Variants in CMC1 observed in about 807,000 individuals in gnomAD.
CMC1 encodes the protein C-X9-C motif containing 1.
Under a neutral mutation model 14.1 loss-of-function variants are expected in CMC1, and 14 were observed. The ratio of observed to expected loss-of-function variants is 0.99; its 90% confidence interval spans 0.66 to 1.55. CMC1 has a LOEUF of 1.55. CMC1 is among the 40% of genes most tolerant of loss of function. CMC1 has a pLI of 0.00. For synonymous variants in CMC1, 50 were observed against 38.4 expected (o/e 1.30, Z -1.12); for missense variants, 127 against 123.8 (o/e 1.03, Z -0.12).
intron 2 of CMC1, among the ~76,000 whole-genome samples, chr3:28,288,124 T>C (rs961101277): frequency 5.3e-5 from 8 of 152,106 alleles, no homozygotes; most frequent in Admixed American, 5.2e-4. Context: ...GGTATTGATA[T>C]ATGAATCTTC....
At chr3:28,246,798 A>AT (rs770788764) in intron 1 of CMC1, among the ~76,000 whole-genome samples, 2,637 of 121,438 alleles carry the variant, frequency 0.022, 36 homozygotes, top group East Asian at 0.026. Context: ...GGGTCCATTG[A>AT]TTTTTTTTTT....
intron 2 of CMC1, among the ~76,000 whole-genome samples, chr3:28,268,014 A>G (rs921403081): frequency 4.6e-5 from 7 of 152,234 alleles, no homozygotes; most frequent in Admixed American, 2.6e-4. Context: ...GTGGATATGC[A>G]ACACATCTTG....
chr3:28,253,807 T>G (rs2125438165), intron 1 of CMC1: 1 of 950,678 alleles, frequency 1.1e-6, no homozygotes, highest in Middle Eastern at 2.7e-4. Context: ...TGGCATTACC[T>G]AAGTAAGTAT....
intron 2 of CMC1, among the ~76,000 whole-genome samples, chr3:28,305,779 A>ATTTTTTTTTTTTTTTTTT (rs71087685): frequency 1.8e-4 from 8 of 43,570 alleles, no homozygotes; most frequent in African/African-American, 8.9e-4. Flanking sequence ...TTTCATAGGA[A>ATTTTTTTTTTTTTTTTTT]TTTTTTTTTT....
At chr3:28,258,605 T>A (rs1409189371) in intron 1 of CMC1, among the ~76,000 whole-genome samples, 1 of 149,998 alleles carries the variant, frequency 6.7e-6, no homozygotes, top group East Asian at 2.0e-4. Context: ...TACATGGAAG[T>A]ATTTCTGGAT....
Position 28,293,605 on chromosome 3 carries a change from G to A in CMC1, c.110-22728G>A, listed in dbSNP as rs1005755125. On this transcript the variant is annotated intron_variant, in intron 2 of 3. Transcript: ENST00000466830. ...AAAATATTCTTTCTTTTTTTGAGAT[G>A]GAGTCTTGCTCTGTCACCTATCCTG... Among the ~76,000 whole-genome samples, 7 of 151,928 alleles carry A rather than the reference G, an allele frequency of 4.6e-5. No individual in the cohort carries two copies. In the South Asian group the frequency reaches 6.2e-4, roughly 13 times the overall value.
chr3:28,248,662 G>GA (rs1354069064), intron 1 of CMC1, among the ~76,000 whole-genome samples: 2 of 152,132 alleles, frequency 1.3e-5, no homozygotes, highest in African/African-American at 4.8e-5. Flanking sequence ...GTAAAATTCT[G>GA]TAGATGTCAA....
intron 1 of CMC1, among the ~76,000 whole-genome samples, chr3:28,262,320 A>G (rs1157872432): frequency 6.6e-6 from 1 of 152,062 alleles, no homozygotes; most frequent in African/African-American, 2.4e-5. Flanking sequence ...TTGCCTCAGT[A>G]TATTTATTAT....
At chr3:28,273,614 G>C (rs1047326744) in intron 2 of CMC1, among the ~76,000 whole-genome samples, 1 of 152,130 alleles carries the variant, frequency 6.6e-6, no homozygotes, top group African/African-American at 2.4e-5. Flanking sequence ...TAACTGTCAG[G>C]TTCACTTGAT....
chr3:28,291,883 C>T (rs1701486063), intron 2 of CMC1: 1 of 152,132 alleles, frequency 6.6e-6, no homozygotes, highest in African/African-American at 2.4e-5. Flanking sequence ...GTTATCTTCT[C>T]TATTAAGTGT....
intron 2 of CMC1, chr3:28,291,718 G>A (rs1459239033): frequency 2.0e-5 from 3 of 152,038 alleles, no homozygotes; most frequent in Non-Finnish European, 4.4e-5. Context: ...TCTGATGTTT[G>A]TTTTCTCCTG....
chr3:28,249,328 T>TG (rs1404205618), intron 1 of CMC1, among the ~76,000 whole-genome samples: 1 of 152,262 alleles, frequency 6.6e-6, no homozygotes, highest in East Asian at 1.9e-4. Flanking sequence ...GTGTGGTGAT[T>TG]GGTACATAAT....
At chr3:28,317,902 C>G (rs1314974053) in intron 3 of CMC1, 1 of 151,656 alleles carries the variant, frequency 6.6e-6, no homozygotes, top group Non-Finnish European at 1.5e-5. Context: ...CTCTCTCACC[C>G]CCTAGAAATA....
At chr3:28,280,089 C>T (rs753042753) in intron 2 of CMC1, among the ~76,000 whole-genome samples, 1 of 152,176 alleles carries the variant, frequency 6.6e-6, no homozygotes, top group African/African-American at 2.4e-5. Flanking sequence ...AACTACTGTT[C>T]TGTACGACAG....
intron 1 of CMC1, among the ~76,000 whole-genome samples, chr3:28,254,350 A>G (rs768181522): frequency 2.0e-4 from 30 of 152,172 alleles, no homozygotes; most frequent in Non-Finnish European, 3.1e-4. Flanking sequence ...ATTGATATTT[A>G]GTGGCTGGTA....
At chr3:28,266,703 G>C (rs1207847712) in intron 2 of CMC1, among the ~76,000 whole-genome samples, 1 of 151,958 alleles carries the variant, frequency 6.6e-6, no homozygotes, top group East Asian at 1.9e-4. Context: ...ACTTTGATTT[G>C]ATTACAAAGG....
chr3:28,251,474 A>G (rs1699121511), intron 1 of CMC1, among the ~76,000 whole-genome samples: 2 of 152,100 alleles, frequency 1.3e-5, no homozygotes, highest in Non-Finnish European at 2.9e-5. Flanking sequence ...CACACTGGGG[A>G]TCAGATTTCA....
intron 2 of CMC1, among the ~76,000 whole-genome samples, chr3:28,280,321 G>A (rs1412791203): frequency 1.3e-5 from 2 of 151,960 alleles, no homozygotes; most frequent in East Asian, 3.9e-4. Context: ...TGTAGTTTTC[G>A]GTGGTTTGTA....
At chr3:28,248,757 C>G (rs912158300) in intron 1 of CMC1, among the ~76,000 whole-genome samples, 2 of 152,136 alleles carry the variant, frequency 1.3e-5, no homozygotes, top group African/African-American at 4.8e-5. Flanking sequence ...CCCAAGTTAA[C>G]ATTCTCCCCG....
Sources: gnomAD v4.1 joint callset for allele counts (sites outside exome capture counted in the v4.1 genomes callset) on GRCh38, gnomAD v4.1.1 for gene constraint, MANE v1.5 for transcripts, NCBI Gene and HGNC (gene_info 2026-07-23, HGNC 2026-07-21) for gene names.